Variants in DAB1 observed in about 807,000 individuals in gnomAD.
DAB1 encodes DAB adaptor protein 1.
DAB1 carries 15 observed loss-of-function variants against 64.6 expected under a neutral mutation model. That is an observed-to-expected ratio of 0.23 (90% CI 0.16 to 0.36). DAB1 has a LOEUF of 0.36. Ranked by LOEUF, DAB1 falls within the 10% of genes least tolerant of loss-of-function variation. The pLI is 1.00. For synonymous variants in DAB1, 235 were observed against 251.9 expected, an observed-to-expected ratio of 0.93 and a Z score of 0.64; for missense variants, 596 against 706.7, an observed-to-expected ratio of 0.84 and a Z score of 1.78.
chr1:57,241,666 C>T (rs1030544162), intron 2 of DAB1, among the ~76,000 whole-genome samples: 1 of 152,178 alleles, frequency 6.6e-6, no homozygotes, highest in African/African-American at 2.4e-5. Context: ...ATGGGAATGC[C>T]ACCCACTGAT....
At chr1:57,187,055 G>A (rs149829233) in intron 2 of DAB1, among the ~76,000 whole-genome samples, 3 of 152,254 alleles carry the variant, frequency 2.0e-5, no homozygotes, top group Non-Finnish European at 4.4e-5. Context: ...TAAAGTTTCT[G>A]CTTTTTAAAG....
intron 3 of DAB1, among the ~76,000 whole-genome samples, chr1:58,407,648 T>A (rs1644628988): frequency 6.6e-6 from 1 of 152,090 alleles, no homozygotes; most frequent in African/African-American, 2.4e-5. Flanking sequence ...GTGCTGAGGT[T>A]GAGAAACTGC....
At chr1:57,226,014 C>A (rs1353420376) in intron 2 of DAB1, among the ~76,000 whole-genome samples, 1 of 152,112 alleles carries the variant, frequency 6.6e-6, no homozygotes, top group Non-Finnish European at 1.5e-5. Context: ...CTCCTCTTGG[C>A]CTCTCATTCT....
At chr1:57,467,895 T>C (rs1487877164) in intron 7 of DAB1, among the ~76,000 whole-genome samples, 1 of 152,198 alleles carries the variant, frequency 6.6e-6, no homozygotes, top group Non-Finnish European at 1.5e-5. Context: ...CTTGTTAAAA[T>C]ATTGTCTCAT....
At chr1:58,246,402 G>A (rs1185523196) in intron 4 of DAB1, among the ~76,000 whole-genome samples, 1 of 152,236 alleles carries the variant, frequency 6.6e-6, no homozygotes, top group African/African-American at 2.4e-5. Flanking sequence ...AGCTTCCTGA[G>A]AGAAAGGGAC....
chr1:57,705,986 T>A (rs1646962312), intron 6 of DAB1, among the ~76,000 whole-genome samples: 1 of 151,826 alleles, frequency 6.6e-6, no homozygotes, highest in South Asian at 2.1e-4. Flanking sequence ...CACGGCTTAC[T>A]TTTTTTCAAA....
chr1:58,335,938 G>A (rs545276778), intron 4 of DAB1, among the ~76,000 whole-genome samples: 2 of 152,292 alleles, frequency 1.3e-5, no homozygotes, highest in African/African-American at 2.4e-5. Flanking sequence ...CTGAATGAAC[G>A]TGGAAAATAG....
At chr1:58,166,749 CG>C (rs1283110442) in intron 4 of DAB1, among the ~76,000 whole-genome samples, 1,606 of 137,292 alleles carry the variant, frequency 0.012, 30 homozygotes, top group African/African-American at 0.043. Flanking sequence ...TTTGTTTGTT[CG>C]TTTTTTTTTT....
At chr1:58,046,469 T>G (rs1647261131) in intron 5 of DAB1, among the ~76,000 whole-genome samples, 1 of 152,184 alleles carries the variant, frequency 6.6e-6, no homozygotes, top group Non-Finnish European at 1.5e-5. Flanking sequence ...CTGTTGATTT[T>G]TTTTTCGAAG....
chr1:58,265,062 G>C (rs1661129572), intron 4 of DAB1, among the ~76,000 whole-genome samples: 1 of 152,162 alleles, frequency 6.6e-6, no homozygotes, highest in South Asian at 2.1e-4. Flanking sequence ...GAATGTGTTG[G>C]GAAAGGGAAG....
intron 4 of DAB1, among the ~76,000 whole-genome samples, chr1:58,160,264 G>A (rs1655457758): frequency 6.6e-6 from 1 of 152,132 alleles, no homozygotes; most frequent in South Asian, 2.1e-4. Context: ...TTCTCCTGGA[G>A]GGGAACGGTC....
intron 7 of DAB1, among the ~76,000 whole-genome samples, chr1:57,610,628 G>A (rs553734388): frequency 6.6e-6 from 1 of 152,184 alleles, no homozygotes; most frequent in Non-Finnish European, 1.5e-5. Flanking sequence ...GGCTGGGAAG[G>A]CCTCAGGAAA....
intron 7 of DAB1, among the ~76,000 whole-genome samples, chr1:57,468,440 A>G (rs1173036552): frequency 1.3e-5 from 2 of 152,220 alleles, no homozygotes; most frequent in African/African-American, 4.8e-5. Context: ...ATTAAATTCA[A>G]CAGATATGGA....
At chr1:57,521,760 G>A (rs115762219) in intron 7 of DAB1, among the ~76,000 whole-genome samples, 69 of 152,248 alleles carry the variant, frequency 4.5e-4, no homozygotes, top group African/African-American at 1.6e-3. Context: ...ATTAGAAATG[G>A]GCTAACAGGG....
At chr1:57,831,121 G>A (rs1652567063) in intron 1 of DAB1, among the ~76,000 whole-genome samples, 1 of 152,078 alleles carries the variant, frequency 6.6e-6, no homozygotes, top group South Asian at 2.1e-4. Flanking sequence ...CACCACGTTA[G>A]CCAGGATGGT....
At chr1:57,157,975 G>A (rs1660398121) in intron 2 of DAB1, among the ~76,000 whole-genome samples, 1 of 152,118 alleles carries the variant, frequency 6.6e-6, no homozygotes, top group Non-Finnish European at 1.5e-5. Context: ...TGCTAAGGAG[G>A]GCGTAGCTGC....
At chr1:57,835,957 C>T (rs1020059808) in intron 1 of DAB1, among the ~76,000 whole-genome samples, 2 of 152,086 alleles carry the variant, frequency 1.3e-5, no homozygotes, top group East Asian at 1.9e-4. Context: ...GTCAAAGCCC[C>T]GAGGCAAATG....
intron 1 of DAB1, among the ~76,000 whole-genome samples, chr1:58,539,968 C>A (rs1183685231): frequency 6.6e-6 from 1 of 152,114 alleles, no homozygotes; most frequent in Non-Finnish European, 1.5e-5. Context: ...TGCAGAGAAT[C>A]CCCCTCCCAT....
chr1:57,713,585 G>T (rs138073841), intron 6 of DAB1, among the ~76,000 whole-genome samples: 36 of 152,256 alleles, frequency 2.4e-4, no homozygotes, highest in African/African-American at 8.4e-4. Flanking sequence ...AATGCAAATT[G>T]GTTGTTAGAG....
Sources: gnomAD v4.1 joint callset for allele counts (sites outside exome capture counted in the v4.1 genomes callset) on GRCh38, gnomAD v4.1.1 for gene constraint, MANE v1.5 for transcripts, NCBI Gene and HGNC (gene_info 2026-07-23, HGNC 2026-07-21) for gene names.